GALNT7: variants seen among roughly 807,000 people sequenced by gnomAD.
GALNT7 encodes polypeptide N-acetylgalactosaminyltransferase 7.
Under a neutral mutation model 82.1 loss-of-function variants are expected in GALNT7, and 60 were observed. The ratio of observed to expected loss-of-function variants is 0.73; its 90% CI spans 0.59 to 0.91. The LOEUF (loss-of-function observed/expected upper bound fraction) is 0.91. GALNT7 is among the 40% of genes least tolerant of loss of function. The pLI is 0.00. For synonymous variants in GALNT7, 243 were observed against 275.1 expected (o/e 0.88, Z 1.15); for missense variants, 660 against 804.2 (o/e 0.82, Z 2.17).
At chr4:173,193,960 T>C (rs1032737314) in intron 1 of GALNT7, among the ~76,000 whole-genome samples, 6 of 152,204 alleles carry the variant, frequency 3.9e-5, no homozygotes, top group Non-Finnish European at 7.4e-5. Context: ...GCTTTACTTA[T>C]GATGTAGTTA....
At chr4:173,183,886 G>A (rs1173379132) in intron 1 of GALNT7, among the ~76,000 whole-genome samples, 1 of 151,054 alleles carries the variant, frequency 6.6e-6, no homozygotes, top group African/African-American at 2.4e-5. Context: ...CCCAGACGGG[G>A]CGGCTGCCGG....
chr4:173,196,895 A>G (rs1045199536), intron 1 of GALNT7, among the ~76,000 whole-genome samples: 4 of 152,148 alleles, frequency 2.6e-5, no homozygotes, highest in African/African-American at 9.7e-5. Context: ...ACACTTTCAC[A>G]TTTGGATTTT....
At chr4:173,193,485 A>G (rs1732686587) in intron 1 of GALNT7, among the ~76,000 whole-genome samples, 3 of 151,940 alleles carry the variant, frequency 2.0e-5, no homozygotes, top group Admixed American at 6.6e-5. Context: ...CCTCACCCCA[A>G]CTTTATTTTT....
At chr4:173,212,964 A>C (rs1733329520) in intron 1 of GALNT7, among the ~76,000 whole-genome samples, 1 of 152,054 alleles carries the variant, frequency 6.6e-6, no homozygotes, top group African/African-American at 2.4e-5. Flanking sequence ...CTCTCTTTTA[A>C]CGTAATTGCT....
chr4:173,245,197 G>A (rs1280226999), intron 1 of GALNT7, among the ~76,000 whole-genome samples: 71 of 113,444 alleles, frequency 6.3e-4, no homozygotes, highest in African/African-American at 2.1e-3. Context: ...TTTAAGATTA[G>A]ACAAAGAACC....
intron 1 of GALNT7, among the ~76,000 whole-genome samples, chr4:173,183,478 A>AT (rs569998271): frequency 0.062 from 9,082 of 147,258 alleles, 758 homozygotes; most frequent in African/African-American, 0.19. Flanking sequence ...CGTGGGCTTA[A>AT]TTTTTTTTTT....
intron 3 of GALNT7, among the ~76,000 whole-genome samples, chr4:173,293,147 A>G (rs1736601619): frequency 1.3e-5 from 2 of 152,184 alleles, no homozygotes; most frequent in Non-Finnish European, 1.5e-5. Context: ...TATTATTAAT[A>G]CCAGTAAAAG....
chr4:173,226,274 T>C (rs923244763), intron 1 of GALNT7, among the ~76,000 whole-genome samples: 2 of 152,246 alleles, frequency 1.3e-5, no homozygotes, highest in African/African-American at 2.4e-5. Flanking sequence ...TTTGCTCTTA[T>C]GTCATTCACC....
chr4:173,280,001 TAAAAA>T (rs891408778), intron 2 of GALNT7, among the ~76,000 whole-genome samples: 2 of 151,868 alleles, frequency 1.3e-5, no homozygotes, highest in African/African-American at 4.8e-5. Context: ...AAAGGATAGT[TAAAAA>T]AAATCAGTGT....
intron 6 of GALNT7, among the ~76,000 whole-genome samples, chr4:173,301,191 A>G (rs1736917016): frequency 6.6e-6 from 1 of 151,974 alleles, no homozygotes; most frequent in South Asian, 2.1e-4. Context: ...AATAGGTTCC[A>G]TTGAACCTAT....
chr4:173,280,194 A>G (rs576811787), intron 2 of GALNT7, among the ~76,000 whole-genome samples: 1 of 152,284 alleles, frequency 6.6e-6, no homozygotes, highest in African/African-American at 2.4e-5. Context: ...CACACCAAAT[A>G]CACAAAAGCA....
intron 1 of GALNT7, among the ~76,000 whole-genome samples, chr4:173,184,975 A>G (rs1206348480): frequency 1.3e-5 from 2 of 152,218 alleles, no homozygotes; most frequent in Non-Finnish European, 2.9e-5. Flanking sequence ...TATTTCTGGT[A>G]CTATCCATTT....
At chr4:173,250,695 T>G (rs944879938) in intron 2 of GALNT7, among the ~76,000 whole-genome samples, 4 of 152,216 alleles carry the variant, frequency 2.6e-5, no homozygotes, top group African/African-American at 9.6e-5. Context: ...AAAACCATTC[T>G]GTGCCTTCCC....
chr4:173,236,981 A>G (rs13112928), intron 1 of GALNT7, among the ~76,000 whole-genome samples: 66,639 of 152,086 alleles, frequency 0.44, 15,045 homozygotes, highest in Admixed American at 0.55. Flanking sequence ...CCTTCTTGAG[A>G]ACAGACCTCT....
At chr4:173,319,751 T>C (rs1737735521) in intron 11 of GALNT7, among the ~76,000 whole-genome samples, 1 of 152,088 alleles carries the variant, frequency 6.6e-6, no homozygotes, top group African/African-American at 2.4e-5. Context: ...TGTTAGACTG[T>C]AGGGGAGTTC....
intron 2 of GALNT7, among the ~76,000 whole-genome samples, chr4:173,262,140 C>T (rs930958430): frequency 6.6e-6 from 1 of 152,102 alleles, no homozygotes; most frequent in African/African-American, 2.4e-5. Context: ...TGAAGAAAAT[C>T]TGGCCTCACT....
chr4:173,268,697 A>AT lies in GALNT7; in HGVS notation c.587+20272dup, dbSNP rs546718708. On this transcript the variant is annotated intron_variant, in intron 2 of 11. Coordinates refer to ENST00000265000, the MANE Select transcript of GALNT7 (RefSeq NM_017423.3). ...AGGCGTCCACCACCACGCCCAGCTAATTTTTTTTTTTTTTTGTATTTTTAG... is the reference window on the plus strand; with the variant it reads ...AGGCGTCCACCACCACGCCCAGCTAATTTTTTTTTTTTTTTTGTATTTTTAG... Among the ~76,000 whole-genome samples, 994 of 140,678 alleles carry AT rather than the reference A, an allele frequency of 7.1e-3. 11 individuals are homozygous for AT. The highest frequency in any genetic ancestry group is 0.02 in the African/African-American group (763 of 38,768). The allele number at this position is 140,678 out of a possible 152,430, so 92.3% of individuals were successfully genotyped here.
At chr4:173,171,624 T>G (rs1299766172) in intron 1 of GALNT7, among the ~76,000 whole-genome samples, 3 of 152,378 alleles carry the variant, frequency 2.0e-5, no homozygotes, top group Non-Finnish European at 1.5e-5. Flanking sequence ...AGAAACATGT[T>G]TCTTATTTCC....
intron 2 of GALNT7, among the ~76,000 whole-genome samples, chr4:173,279,943 C>T (rs1466331688): frequency 6.6e-6 from 1 of 151,820 alleles, no homozygotes; most frequent in Non-Finnish European, 1.5e-5. Context: ...CCACTGCACT[C>T]CAGCTGGGTG....
Sources: gnomAD v4.1 joint callset for allele counts (sites outside exome capture counted in the v4.1 genomes callset) on GRCh38, gnomAD v4.1.1 for gene constraint, MANE v1.5 for transcripts, NCBI Gene and HGNC (gene_info 2026-07-23, HGNC 2026-07-21) for gene names.